The following FARS2 variants were observed in gnomAD, a reference collection of about 807,000 sequenced individuals.
The protein encoded by FARS2 is phenylalanyl-tRNA synthetase 2, mitochondrial.
Under a neutral mutation model 46.4 loss-of-function variants are expected in FARS2, and 40 were observed. That is an observed-to-expected ratio of 0.86 (90% confidence interval 0.67 to 1.12). The LOEUF (loss-of-function observed/expected upper bound fraction) is 1.12, where lower values mean the gene tolerates loss of function less well. Ranked by LOEUF, FARS2 falls within the 50% of genes most tolerant of loss-of-function variation. The pLI is 0.00. For synonymous variants in FARS2, 234 were observed against 214.9 expected (o/e 1.09, Z -0.78); for missense variants, 513 against 567.9 (o/e 0.90, Z 0.98).
upstream of FARS2, chr6:5,260,942 G>A (rs1487102699): frequency 2.2e-6 from 3 of 1,344,868 alleles, no homozygotes; most frequent in Admixed American, 3.6e-5. Context: ...GCGGGCGCAG[G>A]CAGGGCTCGG....
chr6:5,259,765 T>C (rs2127788264), upstream of FARS2, among the ~76,000 whole-genome samples: 1 of 152,180 alleles, frequency 6.6e-6, no homozygotes, highest in Middle Eastern at 3.4e-3. Context: ...CATGGGAATA[T>C]GGCTCAAACT....
chr6:5,593,778 G>T (rs1205787564), intron 5 of FARS2, among the ~76,000 whole-genome samples: 2 of 152,200 alleles, frequency 1.3e-5, no homozygotes, highest in Non-Finnish European at 2.9e-5. Context: ...GGCATTTCGG[G>T]GCAGTGGAGA....
chr6:5,671,328 C>G (rs912114710), intron 6 of FARS2, among the ~76,000 whole-genome samples: 2 of 152,168 alleles, frequency 1.3e-5, no homozygotes, highest in African/African-American at 2.4e-5. Context: ...TCTTCCTGTC[C>G]CCAGAGCTGG....
At chr6:5,691,446 G>C (rs1422319699) in intron 6 of FARS2, among the ~76,000 whole-genome samples, 2 of 152,166 alleles carry the variant, frequency 1.3e-5, no homozygotes, top group Admixed American at 1.3e-4. Flanking sequence ...GAGTTTGCTG[G>C]AGGTCCACTC....
chr6:5,303,890 T>A (rs1180106079), intron 1 of FARS2, among the ~76,000 whole-genome samples: 8 of 150,242 alleles, frequency 5.3e-5, no homozygotes, highest in Non-Finnish European at 7.4e-5. Context: ...CACTGCTCAT[T>A]TTTTGGCAAT....
the FARS2 span, among the ~76,000 whole-genome samples, chr6:5,255,156 A>G: frequency 6.6e-6 from 1 of 152,018 alleles, no homozygotes. Flanking sequence ...CATTTCTTCA[A>G]CCCTACAGTA....
At chr6:5,496,570 G>A (rs977519160) in intron 4 of FARS2, among the ~76,000 whole-genome samples, 18 of 152,184 alleles carry the variant, frequency 1.2e-4, no homozygotes, top group African/African-American at 4.3e-4. Context: ...CAAAGTGTTA[G>A]TAGGGCTGGT....
intron 1 of FARS2, among the ~76,000 whole-genome samples, chr6:5,270,744 C>T (rs767964278): frequency 1.3e-5 from 2 of 152,290 alleles, no homozygotes; most frequent in Admixed American, 6.5e-5. Flanking sequence ...GAGACCCTGA[C>T]GACTATGGCG....
intron 6 of FARS2, among the ~76,000 whole-genome samples, chr6:5,646,408 G>T (rs1385604059): frequency 6.6e-6 from 1 of 152,186 alleles, no homozygotes; most frequent in South Asian, 2.1e-4. Context: ...TACCTGTGCA[G>T]TGAGGGCAGT....
At position 5,639,986 on chromosome 6, in the gene FARS2, G is replaced by C. The variant is rs377616696; in HGVS notation, c.1217+26666G>C. The stretch of plus-strand genomic sequence containing the variant: ...CTCATCTGGTGGGTTTCGGAAAAAC[G>C]TTTTTTTAACATCGGGATCCATTTT... On this transcript the variant is annotated intron_variant, in intron 6 of 6. Coordinates refer to ENST00000274680, the MANE Select transcript of FARS2 (RefSeq NM_006567.5). Among the ~76,000 whole-genome samples the C allele has an allele frequency of 6.4e-4, 97 of 152,200 alleles. 2 individuals carry two copies. In the South Asian group the frequency reaches 0.02, roughly 31 times the overall value.
intron 4 of FARS2, among the ~76,000 whole-genome samples, chr6:5,467,974 A>G (rs914919499): frequency 2.6e-5 from 4 of 152,210 alleles, no homozygotes; most frequent in African/African-American, 9.6e-5. Flanking sequence ...TATTGGTGCA[A>G]CGTTTATTAT....
chr6:5,618,058 G>A (rs1374513491), intron 6 of FARS2, among the ~76,000 whole-genome samples: 1 of 152,194 alleles, frequency 6.6e-6, no homozygotes, highest in Non-Finnish European at 1.5e-5. Context: ...AAGTCTGCAA[G>A]TGCAAAAGCA....
At chr6:5,297,690 G>A (rs3863216) in intron 1 of FARS2, among the ~76,000 whole-genome samples, 90,871 of 151,912 alleles carry the variant, frequency 0.6, 27,625 homozygotes, top group East Asian at 0.72. Flanking sequence ...AACAGCAACA[G>A]CAACAACAAC....
At chr6:5,573,137 C>T (rs1772754979) in intron 5 of FARS2, among the ~76,000 whole-genome samples, 1 of 152,200 alleles carries the variant, frequency 6.6e-6, no homozygotes, top group African/African-American at 2.4e-5. Context: ...TGTTGATTCA[C>T]TGATTCAATA....
intron 3 of FARS2, among the ~76,000 whole-genome samples, chr6:5,409,832 T>C (rs1208262926): frequency 1.3e-5 from 2 of 152,208 alleles, no homozygotes; most frequent in Non-Finnish European, 2.9e-5. Flanking sequence ...TCACACACCC[T>C]TGCCATGCCC....
chr6:5,422,260 G>A (rs577727949), intron 3 of FARS2, among the ~76,000 whole-genome samples: 1 of 152,278 alleles, frequency 6.6e-6, no homozygotes, highest in South Asian at 2.1e-4. Flanking sequence ...CTCCCACTGG[G>A]CCCCTTCCAC....
chr6:5,755,212 T>A (rs1350834636), intron 6 of FARS2, among the ~76,000 whole-genome samples: 1 of 152,232 alleles, frequency 6.6e-6, no homozygotes, highest in Non-Finnish European at 1.5e-5. Context: ...AGTCTTTTTT[T>A]ATTATACTTT....
intron 1 of FARS2, among the ~76,000 whole-genome samples, chr6:5,299,899 C>T (rs996686366): frequency 1.3e-5 from 2 of 151,788 alleles, no homozygotes; most frequent in South Asian, 2.1e-4. Context: ...TTCTCAGTCT[C>T]GATAGTCACA....
intron 4 of FARS2, among the ~76,000 whole-genome samples, chr6:5,450,071 A>C (rs1004396850): frequency 2.6e-5 from 4 of 152,248 alleles, no homozygotes; most frequent in African/African-American, 9.6e-5. Context: ...AGTTGGTTAA[A>C]AACAATCCGT....
Sources: allele counts gnomAD v4.1 joint callset (sites outside exome capture counted in the v4.1 genomes callset), GRCh38; gene constraint gnomAD v4.1.1; transcripts MANE v1.5; gene names NCBI Gene and HGNC (gene_info 2026-07-23, HGNC 2026-07-21).